Variants in DLC1 observed in about 807,000 individuals in gnomAD.
DLC1 encodes the protein DLC1 Rho GTPase activating protein, also known as rho GTPase-activating protein 7.
DLC1 carries 54 observed loss-of-function variants against 140.3 expected under a neutral mutation model. That is an observed-to-expected ratio of 0.38 (90% CI 0.31 to 0.48). The LOEUF is 0.48. Among genes scored for constraint, DLC1 ranks in the 20% least tolerant of loss-of-function variants. DLC1 has a pLI of 0.96. For synonymous variants in DLC1, 986 were observed against 728.1 expected (o/e 1.35, Z -5.70); for missense variants, 2,536 against 1,907.0 (o/e 1.33, Z -6.14).
chr8:13,114,044 G>C (rs1021007625), intron 6 of DLC1, among the ~76,000 whole-genome samples: 2 of 152,198 alleles, frequency 1.3e-5, no homozygotes, highest in South Asian at 4.1e-4. Context: ...ACTTCATATA[G>C]AGTATAATGA....
chr8:13,235,269 A>T (rs1000218826), intron 5 of DLC1, among the ~76,000 whole-genome samples: 4 of 152,088 alleles, frequency 2.6e-5, no homozygotes, highest in Non-Finnish European at 4.4e-5. Context: ...GCCACTCAGT[A>T]GGCCAGTGAC....
chr8:13,425,874 A>G (rs940722358), intron 2 of DLC1, among the ~76,000 whole-genome samples: 1 of 152,192 alleles, frequency 6.6e-6, no homozygotes, highest in African/African-American at 2.4e-5. Context: ...TCCTGGGCTC[A>G]GGCTCAAGTG....
intron 1 of DLC1, among the ~76,000 whole-genome samples, chr8:13,537,030 A>G (rs1369836048): frequency 6.6e-6 from 1 of 152,208 alleles, no homozygotes; most frequent in African/African-American, 2.4e-5. Flanking sequence ...TAGGATCTAT[A>G]AAAACTGGGA....
chr8:13,108,854 G>C (rs1345725450), intron 7 of DLC1, among the ~76,000 whole-genome samples: 1 of 152,192 alleles, frequency 6.6e-6, no homozygotes, highest in Admixed American at 6.5e-5. Flanking sequence ...TCATATTCCA[G>C]ATGCAGACTC....
rs374539077 is a variant in DLC1, at chr8:13,401,830, A to G, written c.1024-211T>C. ...AGCATTTTACATGAATATTAAATAT[A>G]TATCTTGTAAAGCAAAGTGCAATGA... is the stretch of plus-strand genomic sequence containing the variant. On this transcript the variant is annotated intron_variant, in intron 2 of 17. Transcript: ENST00000276297. Among the ~76,000 whole-genome samples, 4 of 152,334 alleles carry G rather than the reference A, an allele frequency of 2.6e-5. No homozygotes were observed. The East Asian group carries it at 7.7e-4, about 29-fold the overall frequency.
chr8:13,588,179 G>T (rs977458286), intron 1 of DLC1, among the ~76,000 whole-genome samples: 3 of 152,028 alleles, frequency 2.0e-5, no homozygotes, highest in African/African-American at 4.8e-5. Flanking sequence ...TTACATAATG[G>T]CAGAGAAAAC....
intron 13 of DLC1, 82 bp downstream of exon 13, chr8:13,092,530 C>G (rs1217209141): frequency 6.8e-7 from 1 of 1,469,074 alleles, no homozygotes; most frequent in African/African-American, 1.4e-5. Context: ...AGGAAAGAGT[C>G]CCACAAAACC....
rs1400334706 is a variant in DLC1 at position 13,084,971 on chromosome 8, A to C, written c.*840T>G. ...AACAAAAAACAAAACAAAACAAAAC[A>C]AAACCCTGTGGATCAGAGCCAGTAA... On this transcript the variant is annotated 3_prime_UTR_variant, in exon 18 of 18. Transcript: ENST00000276297. 4 of 152,460 alleles carry C rather than the reference A, an allele frequency of 2.6e-5. No homozygotes were observed. The highest frequency in any genetic ancestry group is 4.8e-5 in the African/African-American group (2 of 41,594). 9.4% of individuals were successfully genotyped at this position (152,460 alleles called of 1,614,324 possible). A position where few individuals can be genotyped will look rare whatever the true frequency, so the allele number is the denominator to read the frequency against.
chr8:13,603,109 AG>A, intron 1 of DLC1, among the ~76,000 whole-genome samples: 1 of 151,910 alleles, frequency 6.6e-6, no homozygotes, highest in East Asian at 1.9e-4. Context: ...TGTTTAATAA[AG>A]TTTAGAATAT....
intron 4 of DLC1, among the ~76,000 whole-genome samples, chr8:13,389,589 A>C (rs1207226731): frequency 1.3e-5 from 2 of 152,102 alleles, no homozygotes; most frequent in Non-Finnish European, 2.9e-5. Context: ...AATATACCTC[A>C]GAAATCTATA....
chr8:13,436,569 T>A (rs892224602), intron 2 of DLC1, among the ~76,000 whole-genome samples: 3 of 152,232 alleles, frequency 2.0e-5, no homozygotes, highest in African/African-American at 7.2e-5. Context: ...AATTTAAAAG[T>A]TCCTGTAGGA....
At chr8:13,317,152 A>G (rs767640068) in intron 4 of DLC1, among the ~76,000 whole-genome samples, 1 of 152,200 alleles carries the variant, frequency 6.6e-6, no homozygotes, top group African/African-American at 2.4e-5. Context: ...TGTAGCACTG[A>G]CATATTTTCA....
intron 1 of DLC1, among the ~76,000 whole-genome samples, chr8:13,598,375 G>A (rs1486332808): frequency 6.6e-6 from 1 of 152,024 alleles, no homozygotes; most frequent in Non-Finnish European, 1.5e-5. Flanking sequence ...TCTCTGTGGG[G>A]ACCACTTAGA....
At chr8:13,599,727 C>A (rs1413928790) in intron 1 of DLC1, among the ~76,000 whole-genome samples, 3 of 151,790 alleles carry the variant, frequency 2.0e-5, no homozygotes, top group African/African-American at 7.3e-5. Flanking sequence ...CAACTCTATC[C>A]AAATGTATAT....
At chr8:13,253,691 C>G (rs1830100732) in intron 5 of DLC1, among the ~76,000 whole-genome samples, 2 of 152,194 alleles carry the variant, frequency 1.3e-5, no homozygotes, top group South Asian at 4.1e-4. Flanking sequence ...GTCCTGGAGC[C>G]TGCTTTCCCC....
intron 5 of DLC1, among the ~76,000 whole-genome samples, chr8:13,278,472 C>T (rs1048747295): frequency 1.3e-5 from 2 of 152,134 alleles, no homozygotes; most frequent in African/African-American, 2.4e-5. Flanking sequence ...ATGAATAAGA[C>T]CTCAACTCTG....
At chr8:13,107,918 T>G (rs1819716716) in intron 7 of DLC1, among the ~76,000 whole-genome samples, 1 of 152,022 alleles carries the variant, frequency 6.6e-6, no homozygotes, top group Non-Finnish European at 1.5e-5. Flanking sequence ...TGGTGGTGGG[T>G]GCCTGTAATC....
At chr8:13,158,360 G>C (rs1563120340) in intron 5 of DLC1, among the ~76,000 whole-genome samples, 1 of 152,254 alleles carries the variant, frequency 6.6e-6, no homozygotes, top group Non-Finnish European at 1.5e-5. Context: ...AACTACAGTT[G>C]ATTTTAATTT....
At chr8:13,175,544 C>T (rs1825713673) in intron 5 of DLC1, among the ~76,000 whole-genome samples, 1 of 152,010 alleles carries the variant, frequency 6.6e-6, no homozygotes, top group African/African-American at 2.4e-5. Context: ...TTTTTAAACA[C>T]ATATTTTAAA....
Sources: gnomAD v4.1 joint callset for allele counts (sites outside exome capture counted in the v4.1 genomes callset) on GRCh38, gnomAD v4.1.1 for gene constraint, MANE v1.5 for transcripts, NCBI Gene and HGNC (gene_info 2026-07-23, HGNC 2026-07-21) for gene names.